The following CWF19L2 variants were observed in gnomAD, a reference collection of about 807,000 sequenced individuals.
The protein encoded by CWF19L2 is CWF19 like cell cycle control factor 2.
Under a neutral mutation model 111.7 loss-of-function variants are expected in CWF19L2, and 98 were observed. That is an observed-to-expected ratio of 0.88 (90% CI 0.75 to 1.04). CWF19L2 has a LOEUF of 1.04. Ranked by LOEUF, CWF19L2 falls within the 50% of genes least tolerant of loss-of-function variation. CWF19L2 has a pLI of 0.00. For synonymous variants in CWF19L2, 351 were observed against 342.9 expected (o/e 1.02, Z -0.26); for missense variants, 1,101 against 1,051.4 (o/e 1.05, Z -0.65).
chr11:107,351,794 G>T (rs924605727), intron 13 of CWF19L2, among the ~76,000 whole-genome samples: 9 of 152,178 alleles, frequency 5.9e-5, no homozygotes, highest in Admixed American at 5.2e-4. Flanking sequence ...TCAGTTCCAA[G>T]ACTATGCCTC....
intron 10 of CWF19L2, among the ~76,000 whole-genome samples, chr11:107,411,009 G>A (rs1861148386): frequency 6.6e-6 from 1 of 151,984 alleles, no homozygotes; most frequent in Non-Finnish European, 1.5e-5. Context: ...AGCAAAGCTT[G>A]ACTACAAGAA....
chr11:107,435,723 G>A (rs1408221593), intron 6 of CWF19L2, among the ~76,000 whole-genome samples: 3 of 151,140 alleles, frequency 2.0e-5, no homozygotes, highest in Admixed American at 2.0e-4. Flanking sequence ...TTTTTGGTAA[G>A]AAAAAAATCA....
At chr11:107,415,165 T>C (rs1219614470) in intron 10 of CWF19L2, among the ~76,000 whole-genome samples, 2 of 152,148 alleles carry the variant, frequency 1.3e-5, no homozygotes, top group Middle Eastern at 3.2e-3. Flanking sequence ...ACCAGTCTCG[T>C]TGCTATTCTT....
intron 8 of CWF19L2, 112 bp from the exon 9 acceptor site, chr11:107,418,399 A>G: frequency 1.4e-6 from 1 of 717,582 alleles, no homozygotes; most frequent in South Asian, 1.5e-5. Context: ...CAGTACCAAT[A>G]GCAGATCATG....
In CWF19L2 at chr11:107,368,775, G is replaced by C. The variant is rs983510466; in HGVS notation, c.1873-15039C>G. On this transcript the variant is annotated intron_variant, in intron 12 of 17. Transcript: ENST00000282251. ...GAAATATTCCCGAACAGTGTTATAA[G>C]CTTTCCTGCCTTTTAAAATATAATA... is the stretch of plus-strand genomic sequence containing the variant. Among the ~76,000 whole-genome samples, 15 of 137,856 alleles carry C rather than the reference G, an allele frequency of 1.1e-4. 4 individuals are homozygous for C. Among genetic ancestry groups the C allele is most frequent in the African/African-American group, 3.5e-4 (12 of 34,674 alleles). 90.4% of individuals were successfully genotyped at this position (137,856 alleles called of 152,430 possible).
intron 14 of CWF19L2, among the ~76,000 whole-genome samples, chr11:107,339,605 TA>T (rs1859975358): frequency 6.6e-6 from 1 of 152,092 alleles, no homozygotes; most frequent in Admixed American, 6.6e-5. Flanking sequence ...TTTATATGCT[TA>T]TTTGCCATCT....
At chr11:107,433,046 A>G (rs536273921) in intron 7 of CWF19L2, among the ~76,000 whole-genome samples, 1 of 152,332 alleles carries the variant, frequency 6.6e-6, no homozygotes, top group East Asian at 1.9e-4. Context: ...GGCATATTCT[A>G]CGAGTCTACT....
At chr11:107,433,301 C>T (rs1257368438) in intron 7 of CWF19L2, among the ~76,000 whole-genome samples, 1 of 151,924 alleles carries the variant, frequency 6.6e-6, no homozygotes, top group African/African-American at 2.4e-5. Context: ...CTAGAATATA[C>T]CTAACTCTGG....
intron 12 of CWF19L2, among the ~76,000 whole-genome samples, chr11:107,362,060 G>T (rs1234634035): frequency 1.3e-5 from 2 of 152,164 alleles, no homozygotes; most frequent in African/African-American, 4.8e-5. Flanking sequence ...AGAAAGGGGT[G>T]ACGGACGCAC....
intron 7 of CWF19L2, 29 bp from the exon 8 acceptor site, chr11:107,429,480 T>C (rs778410541): frequency 3.9e-5 from 58 of 1,489,618 alleles, no homozygotes; most frequent in Non-Finnish European, 5.0e-5. Context: ...AAACAAGATA[T>C]CTAAAATTAG....
chr11:107,416,124 AT>A, intron 10 of CWF19L2, 84 bp downstream of exon 10: 1 of 335,762 alleles, frequency 3.0e-6, no homozygotes, highest in Non-Finnish European at 5.1e-6. Flanking sequence ...AAAATAAAAA[AT>A]AAAATAAAAT....
At chr11:107,362,366 G>C (rs1340079385) in intron 12 of CWF19L2, among the ~76,000 whole-genome samples, 3 of 151,886 alleles carry the variant, frequency 2.0e-5, no homozygotes, top group East Asian at 2.0e-4. Context: ...TCACCTCTGG[G>C]GGCAGGGCAC....
Position 107,330,644 on chromosome 11 carries a change from C to CCACA in CWF19L2, c.2440-629_2440-626dup, listed in dbSNP as rs56313409. On this transcript the variant is annotated intron_variant, in intron 16 of 17. Transcript: ENST00000282251. Reference sequence around the variant, plus strand: ...TCTCTCTCTACACACACCCCCCCCACCACACACACACACACACACACACAC... The same window carrying CCACA: ...TCTCTCTCTACACACACCCCCCCCACCACACACACACACACACACACACACACAC... 8.5e-3 allele frequency among the ~76,000 whole-genome samples: 1,039 copies of CCACA among 121,640 alleles called. 13 individuals carry two copies. Among genetic ancestry groups the CCACA allele is most frequent in the Non-Finnish European group, 0.011 (659 of 60,064 alleles). 79.8% of individuals were successfully genotyped at this position (121,640 alleles called of 152,430 possible). A position where few individuals can be genotyped will look rare whatever the true frequency, so the allele number is the denominator to read the frequency against.
chr11:107,378,556 G>C (rs371302690), intron 12 of CWF19L2, among the ~76,000 whole-genome samples: 2 of 152,162 alleles, frequency 1.3e-5, no homozygotes, highest in South Asian at 2.1e-4. Flanking sequence ...GCATAGGTGG[G>C]AATTGAACAA....
At position 107,419,243 on chromosome 11, in the gene CWF19L2, T is replaced by C. The variant is rs577216532; in HGVS notation, c.1434-956A>G. ...GTATTAAAGAGTCTTGCTTCATTAG[T>C]GGGAAACAGCATGCCCTAGACTAAA... On this transcript the variant is annotated intron_variant, in intron 8 of 17. Coordinates refer to ENST00000282251, the MANE Select transcript of CWF19L2 (RefSeq NM_152434.3). Among the ~76,000 whole-genome samples the C allele has an allele frequency of 5.9e-5, 9 of 152,292 alleles. No homozygotes were observed. The East Asian group carries it at 1.5e-3, about 26-fold the overall frequency.
intron 12 of CWF19L2, among the ~76,000 whole-genome samples, chr11:107,365,961 A>G (rs1860432573): frequency 7.1e-6 from 1 of 140,422 alleles, no homozygotes; most frequent in Non-Finnish European, 1.5e-5. Context: ...TAAGCTCATA[A>G]GCAACTTCAG....
intron 12 of CWF19L2, among the ~76,000 whole-genome samples, chr11:107,357,054 A>C (rs987698107): frequency 6.6e-6 from 1 of 152,054 alleles, no homozygotes; most frequent in African/African-American, 2.4e-5. Flanking sequence ...ACAAAACAAA[A>C]ACAAAAACAA....
Position 107,457,703 on chromosome 11 carries a change from C to T in CWF19L2, c.105+9G>A, listed in dbSNP as rs1443619571. On this transcript the variant is annotated intron_variant, in intron 1 of 17. Coordinates refer to ENST00000282251, the MANE Select transcript of CWF19L2 (RefSeq NM_152434.3). The stretch of plus-strand genomic sequence containing the variant: ...ATAAATAACTACAAAAGCCCCAAAA[C>T]AGAGGTACCTGGCGCAACACCTCGG... The T allele has an allele frequency of 1.3e-6, 2 of 1,546,722 alleles. No individual in the cohort carries two copies. Among genetic ancestry groups the T allele is most frequent in the Non-Finnish European group, 1.8e-6 (2 of 1,142,460 alleles).
chr11:107,359,252 C>G (rs965680788), intron 12 of CWF19L2, among the ~76,000 whole-genome samples: 1 of 152,198 alleles, frequency 6.6e-6, no homozygotes, highest in Admixed American at 6.5e-5. Context: ...AGGGGCAGTG[C>G]TTTCTTCTTA....
Sources: allele counts gnomAD v4.1 joint callset (sites outside exome capture counted in the v4.1 genomes callset), GRCh38; gene constraint gnomAD v4.1.1; transcripts MANE v1.5; gene names NCBI Gene and HGNC (gene_info 2026-07-23, HGNC 2026-07-21).